SYTL5: variants seen among roughly 807,000 people sequenced by gnomAD.
The protein encoded by SYTL5 is synaptotagmin-like protein 5.
Under a neutral mutation model 55.9 loss-of-function variants are expected in SYTL5, and 34 were observed. The observed-to-expected ratio is 0.61, with a 90% confidence interval of 0.46 to 0.81. The LOEUF (loss-of-function observed/expected upper bound fraction) is 0.81. Ranked by LOEUF, SYTL5 falls within the 30% of genes least tolerant of loss-of-function variation. SYTL5 has a pLI of 0.00. For synonymous variants in SYTL5, 221 were observed against 188.7 expected, an observed-to-expected ratio of 1.17 and a Z score of -1.40; for missense variants, 637 against 546.7, an observed-to-expected ratio of 1.17 and a Z score of -1.65.
the SYTL5 span, among the ~76,000 whole-genome samples, chrX:37,914,385 G>A: frequency 9.0e-6 from 1 of 111,706 alleles, no homozygotes; most frequent in Non-Finnish European, 1.9e-5. Context: ...TTTCAACAGA[G>A]TAAAAATGAA....
chrX:38,052,695 G>A (rs183506400), intron 2 of SYTL5, among the ~76,000 whole-genome samples: 174 of 112,062 alleles, frequency 1.6e-3, no homozygotes, highest in African/African-American at 5.3e-3. Flanking sequence ...ATAAACTAAG[G>A]CCTTTGTTCC....
intron 1 of SYTL5, among the ~76,000 whole-genome samples, chrX:38,017,090 T>C (rs1934378367): frequency 9.0e-6 from 1 of 111,402 alleles, no homozygotes; most frequent in South Asian, 3.8e-4. Flanking sequence ...TTGTTGTTGT[T>C]GTTGTTTTTT....
At chrX:38,002,578 C>A (rs1933884051), upstream of SYTL5, among the ~76,000 whole-genome samples, 1 of 111,942 alleles carries the variant, frequency 8.9e-6, no homozygotes, top group Non-Finnish European at 1.9e-5. Context: ...GAGATGGTAT[C>A]TCATTGTGGT....
intron 6 of SYTL5, among the ~76,000 whole-genome samples, chrX:38,084,118 C>A (rs1936612702): frequency 9.0e-6 from 1 of 111,464 alleles, no homozygotes; most frequent in African/African-American, 3.3e-5. Context: ...CATGCACTTT[C>A]TGTCCAATCA....
chrX:38,051,778 T>C (rs1042965105), intron 2 of SYTL5, among the ~76,000 whole-genome samples: 1 of 111,410 alleles, frequency 9.0e-6, no homozygotes, highest in Admixed American at 9.6e-5. Flanking sequence ...TTTCTCCATA[T>C]GAAACTGATA....
the SYTL5 span, among the ~76,000 whole-genome samples, chrX:37,970,379 C>A: frequency 6.7e-5 from 7 of 105,089 alleles, no homozygotes; most frequent in Non-Finnish European, 1.4e-4. Flanking sequence ...ACCAAAAATA[C>A]CTCTTTATAT....
intron 3 of SYTL5, among the ~76,000 whole-genome samples, chrX:38,071,802 T>C (rs897788985): frequency 1.8e-5 from 2 of 112,102 alleles, no homozygotes; most frequent in Non-Finnish European, 3.8e-5. Context: ...AACATTAGGA[T>C]AATAGTGTTT....
intron 6 of SYTL5, among the ~76,000 whole-genome samples, chrX:38,084,965 C>T (rs2090239283): frequency 9.0e-6 from 1 of 110,988 alleles, no homozygotes; most frequent in Admixed American, 9.6e-5. Flanking sequence ...GTAAAAACTA[C>T]TCTAAGCACA....
chrX:38,028,003 T>C (rs774533999), intron 1 of SYTL5, among the ~76,000 whole-genome samples: 1 of 110,415 alleles, frequency 9.1e-6, no homozygotes, highest in Non-Finnish European at 1.9e-5. Flanking sequence ...TTTTGTATTT[T>C]TAGTAGAGAT....
At chrX:38,054,861 C>CT (rs1935735975) in intron 3 of SYTL5, among the ~76,000 whole-genome samples, 1 of 110,481 alleles carries the variant, frequency 9.1e-6, no homozygotes, top group Non-Finnish European at 1.9e-5. Context: ...TCCAGAATAG[C>CT]TGAGACTACA....
the SYTL5 span, among the ~76,000 whole-genome samples, chrX:37,999,765 A>G: frequency 8.9e-6 from 1 of 111,903 alleles, no homozygotes; most frequent in African/African-American, 3.3e-5. Flanking sequence ...TCTACTGAAA[A>G]TGGGTAAAAG....
At chrX:37,989,897 G>A in the SYTL5 span, among the ~76,000 whole-genome samples, 32 of 110,023 alleles carry the variant, frequency 2.9e-4, no homozygotes, top group African/African-American at 9.9e-4. Flanking sequence ...TTTTGAGACC[G>A]AGTCCCGCTC....
At chrX:37,898,204 C>G in the SYTL5 span, among the ~76,000 whole-genome samples, 2 of 112,117 alleles carry the variant, frequency 1.8e-5, no homozygotes, top group Middle Eastern at 4.6e-3. Flanking sequence ...TCTAGGGTCT[C>G]TTTTGTAAGG....
chrX:38,011,618 A>G (rs1934191260), intron 1 of SYTL5, among the ~76,000 whole-genome samples: 1 of 88,709 alleles, frequency 1.1e-5, no homozygotes, highest in Non-Finnish European at 2.2e-5. Context: ...TGGGCAAAAG[A>G]GCGAGACTCC....
intron 2 of SYTL5, among the ~76,000 whole-genome samples, chrX:38,048,527 C>CAAA (rs201459563): frequency 1.5e-5 from 1 of 67,133 alleles, no homozygotes. Flanking sequence ...GGGCAATTTA[C>CAAA]AAAAAAAAAA....
chrX:38,121,572 G>T (rs1937571249), intron 14 of SYTL5, among the ~76,000 whole-genome samples: 1 of 112,605 alleles, frequency 8.9e-6, no homozygotes, highest in Non-Finnish European at 1.9e-5. Context: ...AGAAAAGTGA[G>T]GTGGAAAAGA....
rs769710420 is a variant in SYTL5 at position 38,038,341 on chromosome X, C to T, written c.119+4333C>T. On this transcript the variant is annotated intron_variant, in intron 2 of 16. Transcript: ENST00000297875. The stretch of plus-strand genomic sequence containing the variant: ...ACTCTGTACCCCCGCTTCTGTTGAA[C>T]TCTCCTCTCTCCTTGCATCTCACCA... 1.3e-4 allele frequency among the ~76,000 whole-genome samples: 15 copies of T among 111,762 alleles called. No homozygotes were observed. In the Admixed American group the frequency reaches 1.4e-3, roughly 11 times the overall value.
At chrX:37,936,198 C>T in the SYTL5 span, among the ~76,000 whole-genome samples, 3 of 111,915 alleles carry the variant, frequency 2.7e-5, no homozygotes, top group Non-Finnish European at 5.6e-5. Context: ...TATGCACCCA[C>T]GAAGAGAACA....
chrX:38,024,683 G>A (rs775389176), intron 1 of SYTL5, among the ~76,000 whole-genome samples: 3 of 111,026 alleles, frequency 2.7e-5, no homozygotes, highest in Non-Finnish European at 5.7e-5. Flanking sequence ...TATAAAATAG[G>A]AATAATAGCA....
Sources: allele counts gnomAD v4.1 joint callset (sites outside exome capture counted in the v4.1 genomes callset), GRCh38; gene constraint gnomAD v4.1.1; transcripts MANE v1.5; gene names NCBI Gene and HGNC (gene_info 2026-07-23, HGNC 2026-07-21).